DPYD: variants seen among roughly 807,000 people sequenced by gnomAD.
The protein encoded by DPYD is dihydropyrimidine dehydrogenase [NADP(+)].
A neutral mutation model predicts 116.2 loss-of-function variants in DPYD; 109 were observed. The ratio of observed to expected loss-of-function variants is 0.94; its 90% CI spans 0.80 to 1.10. The LOEUF (loss-of-function observed/expected upper bound fraction) is 1.10. Ranked by LOEUF, DPYD falls within the 50% of genes least tolerant of loss-of-function variation. The pLI is 0.00. For synonymous variants in DPYD, 440 were observed against 432.0 expected (o/e 1.02, Z -0.23); for missense variants, 1,302 against 1,254.5 (o/e 1.04, Z -0.57).
At chr1:97,590,572 TAAAA>T (rs1047437714) in intron 10 of DPYD, among the ~76,000 whole-genome samples, 3 of 152,186 alleles carry the variant, frequency 2.0e-5, no homozygotes, top group African/African-American at 7.2e-5. Flanking sequence ...AAGCTAATAA[TAAAA>T]TAATTCAAAC....
At chr1:97,659,201 C>T (rs974851107) in intron 8 of DPYD, among the ~76,000 whole-genome samples, 1 of 152,128 alleles carries the variant, frequency 6.6e-6, no homozygotes, top group Non-Finnish European at 1.5e-5. Context: ...AATCTCTGAT[C>T]TTTGTGAAGT....
intron 20 of DPYD, among the ~76,000 whole-genome samples, chr1:97,134,923 T>G (rs1653668527): frequency 6.6e-6 from 1 of 152,112 alleles, no homozygotes; most frequent in Admixed American, 6.6e-5. Flanking sequence ...TCTGATAAAA[T>G]AATTTACGCA....
At position 97,871,832 on chromosome 1, in the gene DPYD, G is replaced by A. The variant is rs112372899; in HGVS notation, c.150+11432C>T. The stretch of plus-strand genomic sequence containing the variant: ...TGTTCTCTATCCACTATCATGATGT[G>A]CTTCCATATGTAGTAACAGAAACCT... On this transcript the variant is annotated intron_variant, in intron 2 of 22. Transcript: ENST00000370192. Among the ~76,000 whole-genome samples, 603 of 151,740 alleles carry A rather than the reference G, an allele frequency of 4.0e-3. 5 individuals carry two copies. The highest frequency in any genetic ancestry group is 0.014 in the African/African-American group (574 of 41,438).
At chr1:97,403,273 C>T (rs907320288) in intron 14 of DPYD, among the ~76,000 whole-genome samples, 7 of 151,964 alleles carry the variant, frequency 4.6e-5, no homozygotes, top group Non-Finnish European at 8.8e-5. Flanking sequence ...CTAGACATAT[C>T]CCATTGTAAG....
chr1:97,641,315 A>C (rs974568760), intron 8 of DPYD, among the ~76,000 whole-genome samples: 2 of 152,210 alleles, frequency 1.3e-5, no homozygotes, highest in African/African-American at 2.4e-5. Flanking sequence ...TATAATGAGC[A>C]CATATAAAGG....
chr1:97,852,161 T>C (rs1048327492), intron 2 of DPYD, among the ~76,000 whole-genome samples: 2 of 152,102 alleles, frequency 1.3e-5, no homozygotes, highest in South Asian at 2.1e-4. Flanking sequence ...AGCTATTACC[T>C]AGATTTAAAA....
rs114866309 is a variant in DPYD at position 97,558,954 on chromosome 1, G to A, written c.1340-9210C>T. On this transcript the variant is annotated intron_variant, in intron 11 of 22. Transcript: ENST00000370192. ...TATGGGAATTGTTTTCAAATTCTCTGTTGGATTCCCAAATGCTGTACTTTG... is the reference window on the plus strand; with the variant it reads ...TATGGGAATTGTTTTCAAATTCTCTATTGGATTCCCAAATGCTGTACTTTG... 4.6e-3 allele frequency among the ~76,000 whole-genome samples: 700 copies of A among 152,234 alleles called. 11 individuals carry two copies. Among genetic ancestry groups the A allele is most frequent in the African/African-American group, 0.016 (676 of 41,554 alleles).
At chr1:97,650,790 TC>T (rs1658537566) in intron 8 of DPYD, among the ~76,000 whole-genome samples, 1 of 152,122 alleles carries the variant, frequency 6.6e-6, no homozygotes, top group South Asian at 2.1e-4. Context: ...GTTTACTTGT[TC>T]CTTGAAAAAA....
At chr1:97,551,474 G>A (rs79279886) in intron 11 of DPYD, among the ~76,000 whole-genome samples, 11,234 of 152,056 alleles carry the variant, frequency 0.074, 585 homozygotes, top group Non-Finnish European at 0.11. Flanking sequence ...GTGGCAAGGG[G>A]TAAAAATGAA....
chr1:97,147,862 T>C (rs1026615320), intron 20 of DPYD, among the ~76,000 whole-genome samples: 1 of 152,106 alleles, frequency 6.6e-6, no homozygotes, highest in African/African-American at 2.4e-5. Flanking sequence ...ATCAAGAGGG[T>C]GAGTGCAATA....
intron 18 of DPYD, among the ~76,000 whole-genome samples, chr1:97,251,228 C>T (rs921467125): frequency 2.9e-4 from 44 of 151,610 alleles, no homozygotes; most frequent in African/African-American, 9.2e-4. Flanking sequence ...GAAAACCCAT[C>T]TCCAGTAAAA....
intron 20 of DPYD, among the ~76,000 whole-genome samples, chr1:97,141,409 A>G (rs1570537617): frequency 6.6e-6 from 1 of 152,026 alleles, no homozygotes; most frequent in Admixed American, 6.6e-5. Context: ...GCTGATCCTT[A>G]AGGCTTTTTT....
chr1:97,714,586 C>A (rs889740533), intron 5 of DPYD, among the ~76,000 whole-genome samples: 8 of 143,664 alleles, frequency 5.6e-5, no homozygotes, highest in Non-Finnish European at 1.2e-4. Context: ...AGGAACCCAA[C>A]ATTTTGTTAT....
rs540881561 is a variant in DPYD, at chr1:97,097,319, A to AT, written c.2766+1169dup. Among the ~76,000 whole-genome samples the AT allele has an allele frequency of 5.5e-4, 82 of 149,856 alleles. 1 individual carries two copies. In the South Asian group the frequency reaches 0.015, roughly 28 times the overall value. ...GACCACTGTTTTTAGCATGAGATAC[A>AT]TTTTTTTTTTCTTCATAGGTAGAAG... On this transcript the variant is annotated intron_variant, in intron 21 of 22. Coordinates refer to ENST00000370192, the MANE Select transcript of DPYD (RefSeq NM_000110.4).
intron 5 of DPYD, among the ~76,000 whole-genome samples, chr1:97,709,451 A>C (rs1409170612): frequency 2.0e-5 from 3 of 151,788 alleles, no homozygotes; most frequent in Non-Finnish European, 4.4e-5. Flanking sequence ...TACATAGTAC[A>C]TTCTTGAGGA....
intron 20 of DPYD, among the ~76,000 whole-genome samples, chr1:97,165,258 G>T (rs1656239740): frequency 6.6e-6 from 1 of 151,880 alleles, no homozygotes. Flanking sequence ...TGGAATATAA[G>T]CCCAGAAATA....
At chr1:97,570,158 T>C (rs778741548) in intron 11 of DPYD, among the ~76,000 whole-genome samples, 1 of 152,020 alleles carries the variant, frequency 6.6e-6, no homozygotes, top group Non-Finnish European at 1.5e-5. Flanking sequence ...CTTACAAAGA[T>C]TGTGGAATAT....
At chr1:97,153,069 G>T (rs1013666590) in intron 20 of DPYD, among the ~76,000 whole-genome samples, 3 of 151,934 alleles carry the variant, frequency 2.0e-5, no homozygotes, top group Non-Finnish European at 4.4e-5. Flanking sequence ...TTATTTACTT[G>T]TACTTTAAGT....
At chr1:97,667,443 A>G (rs1021247198) in intron 8 of DPYD, among the ~76,000 whole-genome samples, 2 of 152,128 alleles carry the variant, frequency 1.3e-5, no homozygotes, top group Admixed American at 1.3e-4. Flanking sequence ...TTATCTATAT[A>G]TTATCACTGC....
Sources: allele counts gnomAD v4.1 joint callset (sites outside exome capture counted in the v4.1 genomes callset), GRCh38; gene constraint gnomAD v4.1.1; transcripts MANE v1.5; gene names NCBI Gene and HGNC (gene_info 2026-07-23, HGNC 2026-07-21).